OR4E2: variants seen among roughly 807,000 people sequenced by gnomAD.
OR4E2 encodes the protein olfactory receptor family 4 subfamily E member 2.
Under a neutral mutation model 11.0 loss-of-function variants are expected in OR4E2, and 9 were observed. The ratio of observed to expected loss-of-function variants is 0.82; its 90% CI spans 0.49 to 1.43. OR4E2 has a LOEUF of 1.43. OR4E2 is among the 40% of genes most tolerant of loss of function. The pLI is 0.00. For synonymous variants in OR4E2, 159 were observed against 147.3 expected (o/e 1.08, Z -0.57); for missense variants, 441 against 382.0 (o/e 1.15, Z -1.29).
intron 1 of OR4E2, among the ~76,000 whole-genome samples, chr14:21,655,287 C>A (rs1424975539): frequency 6.6e-6 from 1 of 152,152 alleles, no homozygotes; most frequent in Non-Finnish European, 1.5e-5. Flanking sequence ...AATATGCTTT[C>A]ATTTGACAAT....
At chr14:21,655,960 A>G (rs1222110516) in intron 1 of OR4E2, among the ~76,000 whole-genome samples, 3 of 151,144 alleles carry the variant, frequency 2.0e-5, no homozygotes, top group African/African-American at 7.4e-5. Flanking sequence ...AAAAAGGATT[A>G]AAAAAAACCA....
In OR4E2 at chr14:21,665,898, T is replaced by A; in HGVS notation, c.816T>A (p.Ser272=). 1 of 1,610,878 alleles carries A rather than the reference T, an allele frequency of 6.2e-7. No homozygotes were observed. The highest frequency in any genetic ancestry group is 8.5e-7 in the Non-Finnish European group (1 of 1,178,714). ...DTSFSIDKVV[S]VFYTVVTPLL... ...GCTTCTCCATTGACAAGGTGGTGTCTGTCTTCTACACAGTGGTCACCCCTT... is the reference window on the plus strand; with the variant it reads ...GCTTCTCCATTGACAAGGTGGTGTCAGTCTTCTACACAGTGGTCACCCCTT... Residue 272 remains serine (S), a synonymous_variant, in exon 4 of 4, where the codon TCT becomes TCA. Transcript: ENST00000641524.
chr14:21,663,806 A>G (rs1880472940), intron 3 of OR4E2, among the ~76,000 whole-genome samples: 1 of 152,146 alleles, frequency 6.6e-6, no homozygotes, highest in South Asian at 2.1e-4. Flanking sequence ...GAGTGGGTCC[A>G]CGTGTTCTCA....
At chr14:21,658,026 A>G (rs1419271643) in intron 2 of OR4E2, among the ~76,000 whole-genome samples, 4 of 152,120 alleles carry the variant, frequency 2.6e-5, no homozygotes, top group Admixed American at 2.6e-4. Flanking sequence ...AACTGAGTAG[A>G]TGGTCTCCTC....
rs933723517 is a variant in OR4E2 at position 21,660,706 on chromosome 14, T to C, written c.-49T>C. ...ACCTTGAACTTCTGGACTTAAGCGA[T>C]AGATCCTCCACCTCAGCCTCTTGAG... is the stretch of plus-strand genomic sequence containing the variant. On this transcript the variant is annotated 5_prime_UTR_variant, in exon 3 of 4. Coordinates refer to ENST00000641524, the MANE Select transcript of OR4E2 (RefSeq NM_001001912.3). The C allele has an allele frequency of 7.2e-5, 11 of 151,774 alleles. No homozygotes were observed. The highest frequency in any genetic ancestry group is 2.9e-5 in the Non-Finnish European group (2 of 67,994). 9.4% of individuals were successfully genotyped at this position (151,774 alleles called of 1,614,324 possible). A position where few individuals can be genotyped will look rare whatever the true frequency, so the allele number is the denominator to read the frequency against.
At chr14:21,654,747 TGAGAGA>T (rs34453088) in intron 1 of OR4E2, among the ~76,000 whole-genome samples, 13 of 146,434 alleles carry the variant, frequency 8.9e-5, no homozygotes, top group Non-Finnish European at 1.4e-4. Flanking sequence ...ATATATAAAA[TGAGAGA>T]GAGAGAGAGA....
chr14:21,661,714 A>G (rs1051758559), intron 3 of OR4E2, among the ~76,000 whole-genome samples: 1 of 152,202 alleles, frequency 6.6e-6, no homozygotes, highest in Non-Finnish European at 1.5e-5. Context: ...CATTATTATT[A>G]TTATTCTTAA....
chr14:21,657,832 C>T (rs1405833539), intron 2 of OR4E2, among the ~76,000 whole-genome samples: 11 of 152,030 alleles, frequency 7.2e-5, no homozygotes, highest in African/African-American at 2.4e-4. Flanking sequence ...TCAGGTGATC[C>T]ACCCCCTCGG....
At chr14:21,654,879 C>T (rs1879858142) in intron 1 of OR4E2, among the ~76,000 whole-genome samples, 1 of 152,048 alleles carries the variant, frequency 6.6e-6, no homozygotes, top group Admixed American at 6.6e-5. Context: ...GTTACTGTTG[C>T]AGTCTTGAAT....
Position 21,665,623 on chromosome 14 carries a change from G to A in OR4E2, c.541G>A (p.Val181Met), listed in dbSNP as rs1244238177. ...CATTATTGACAGCTACTTCTGTGAT[G>A]TGCCTCTTGTTATCAAGCTGGCCTG... is the stretch of plus-strand genomic sequence containing the variant. ...PNIIDSYFCD[V>M]PLVIKLACTD... Residue 181 changes from valine to methionine, a missense_variant, in exon 4 of 4, where the codon GTG (valine) becomes ATG (methionine). Val to Met is a conservative substitution (Grantham distance 21). Coordinates refer to ENST00000641524, the MANE Select transcript of OR4E2 (RefSeq NM_001001912.3). 6.2e-7 allele frequency: 1 copy of A among 1,614,054 alleles called. No homozygotes were observed. The highest frequency in any genetic ancestry group is 8.5e-7 in the Non-Finnish European group (1 of 1,179,984).
chr14:21,665,531 T>TG lies in OR4E2; in HGVS notation c.455dup (p.Thr153TyrfsTer23). Reference sequence around the variant, plus strand: ...ATACAGCTTGTCTTTGCTCTCTGGTTGGGGGGTACTGTTCACTCACTAGGG... The same window carrying TG: ...ATACAGCTTGTCTTTGCTCTCTGGTTGGGGGGGTACTGTTCACTCACTAGGG... On this transcript the variant is annotated frameshift_variant, in exon 4 of 4. Transcript: ENST00000641524. LOFTEE classifies it high-confidence loss of function. The TG allele has an allele frequency of 1.2e-6, 2 of 1,614,098 alleles. No homozygotes were observed. Among genetic ancestry groups the TG allele is most frequent in the African/African-American group, 1.3e-5 (1 of 75,000 alleles).
chr14:21,665,064 TC>T lies in OR4E2; in HGVS notation c.-8-5del, dbSNP rs769498608. On this transcript the variant is annotated splice_polypyrimidine_tract_variant and intron_variant, in intron 3 of 3. Coordinates refer to ENST00000641524, the MANE Select transcript of OR4E2 (RefSeq NM_001001912.3). ...TAAAACTAAATTAGCTTTCATTTTT[TC>T]CCCCCTAAGCTCATTGAATGGACAG... The T allele has an allele frequency of 1.8e-5, 25 of 1,391,468 alleles. No homozygotes were observed. In the African/African-American group the frequency reaches 2.2e-4, roughly 12 times the overall value. The allele number at this position is 1,391,468 out of a possible 1,614,324, so 86.2% of individuals were successfully genotyped here.
Position 21,665,789 on chromosome 14 carries a change from C to T in OR4E2, c.707C>T (p.Ala236Val). The change falls in exon 4 of 4, where the codon GCC becomes GTC. Residue 236 changes from alanine to valine, a missense_variant. Ala to Val is a moderately conservative substitution (Grantham distance 64). Transcript: ENST00000641524. Reference sequence around the variant, plus strand: ...CACTCAGCTGAAGGGCGCCGGAAAGCCCTGTCTACCTGCTCGGCCCACTTC... The same window carrying T: ...CACTCAGCTGAAGGGCGCCGGAAAGTCCTGTCTACCTGCTCGGCCCACTTC... ...RKHSAEGRRK[A>V]LSTCSAHFMV... The T allele has an allele frequency of 2.5e-6, 4 of 1,613,934 alleles. No individual in the cohort carries two copies. The highest frequency in any genetic ancestry group is 1.6e-4 in the Middle Eastern group (1 of 6,062).
In OR4E2 at chr14:21,661,960, C is replaced by G. The variant is rs536139272; in HGVS notation, c.-9+1214C>G. On this transcript the variant is annotated intron_variant, in intron 3 of 3. Coordinates refer to ENST00000641524, the MANE Select transcript of OR4E2 (RefSeq NM_001001912.3). ...TAATTGGCACTGCTAGATTATTTTC[C>G]AAAAAGATCTCAATAATACCTACTT... Among the ~76,000 whole-genome samples, 96 of 152,140 alleles carry G rather than the reference C, an allele frequency of 6.3e-4. 1 individual carries two copies. The South Asian group carries it at 0.019, about 30-fold the overall frequency.
intron 1 of OR4E2, among the ~76,000 whole-genome samples, chr14:21,656,190 A>G (rs1478024481): frequency 1.3e-5 from 2 of 151,854 alleles, no homozygotes; most frequent in African/African-American, 4.8e-5. Context: ...AAAAAAAGCA[A>G]TGAACAAAAA....
intron 3 of OR4E2, among the ~76,000 whole-genome samples, chr14:21,661,465 A>T (rs1880322074): frequency 6.6e-6 from 1 of 152,044 alleles, no homozygotes; most frequent in Non-Finnish European, 1.5e-5. Flanking sequence ...TACTCATAAT[A>T]GGTTCTTTTG....
At chr14:21,655,426 A>T (rs1879888081) in intron 1 of OR4E2, among the ~76,000 whole-genome samples, 1 of 152,206 alleles carries the variant, frequency 6.6e-6, no homozygotes, top group African/African-American at 2.4e-5. Context: ...GCTACTCAGG[A>T]GGCTGAAGTG....
At chr14:21,655,730 A>G (rs1246831570) in intron 1 of OR4E2, among the ~76,000 whole-genome samples, 1 of 152,194 alleles carries the variant, frequency 6.6e-6, no homozygotes, top group Admixed American at 6.6e-5. Context: ...GTTAGTATCA[A>G]GTTATATCCC....
intron 2 of OR4E2, among the ~76,000 whole-genome samples, chr14:21,658,606 G>C (rs1358827896): frequency 6.6e-6 from 1 of 152,138 alleles, no homozygotes; most frequent in Non-Finnish European, 1.5e-5. Context: ...GAAAAGTAAA[G>C]ATGAGTAGGC....
Sources: gnomAD v4.1 joint callset for allele counts (sites outside exome capture counted in the v4.1 genomes callset) on GRCh38, gnomAD v4.1.1 for gene constraint, MANE v1.5 for transcripts, NCBI Gene and HGNC (gene_info 2026-07-23, HGNC 2026-07-21) for gene names.